Variants in CAPN11 observed in about 807,000 individuals in gnomAD.
The protein encoded by CAPN11 is calpain 11.
Under a neutral mutation model 105.3 loss-of-function variants are expected in CAPN11, and 108 were observed. That is an observed-to-expected ratio of 1.03 (90% confidence interval 0.88 to 1.20). The LOEUF is 1.20. CAPN11 is among the 50% of genes most tolerant of loss of function. The pLI is 0.00. For synonymous variants in CAPN11, 329 were observed against 344.5 expected (o/e 0.96, Z 0.50); for missense variants, 883 against 924.8 (o/e 0.95, Z 0.59).
Position 44,176,865 on chromosome 6 carries a change from C to T in CAPN11, c.1104C>T (p.Asn368=). The T allele has an allele frequency of 6.2e-7, 1 of 1,613,932 alleles. No homozygotes were observed. The change falls in exon 11 of 23, where the codon AAC becomes AAT. Residue 368 remains asparagine, a synonymous_variant. Coordinates refer to ENST00000398776, the MANE Select transcript of CAPN11 (RefSeq NM_007058.4). ...FWMSYQDFLN[N]FTLLEICNLT... is the part of the protein sequence containing the mutation. ...TGTCCTACCAAGATTTCCTGAACAA[C>T]TTCACGCTCCTGGAGATCTGCAACC... is the stretch of plus-strand genomic sequence containing the variant.
chr6:44,160,763 C>T (rs1322099472), intron 1 of CAPN11, among the ~76,000 whole-genome samples: 5 of 152,216 alleles, frequency 3.3e-5, no homozygotes, highest in Non-Finnish European at 7.3e-5. Context: ...CTGCTTTCCA[C>T]GCAGTTTCAG....
chr6:44,181,449 TCA>T (rs150427721), intron 19 of CAPN11, 129 bp downstream of exon 19: 62,706 of 292,162 alleles, frequency 0.21, 18,112 homozygotes, highest in East Asian at 0.67. Flanking sequence ...CACACCACAC[TCA>T]CACACACACA....
intron 1 of CAPN11, among the ~76,000 whole-genome samples, chr6:44,160,556 G>A (rs932515175): frequency 6.6e-6 from 1 of 152,130 alleles, no homozygotes; most frequent in Admixed American, 6.5e-5. Context: ...GGTGGAGCTT[G>A]CAGTGAGCCA....
chr6:44,158,944 G>A (rs750410282), intron 1 of CAPN11, 80 bp downstream of exon 1: 170 of 1,223,808 alleles, frequency 1.4e-4, no homozygotes, highest in Non-Finnish European at 1.7e-4. Context: ...GCTGTGTCCC[G>A]CATCAGACTG....
In CAPN11 at chr6:44,169,507, G is replaced by C; in HGVS notation, c.315G>C (p.Gln105His). ...KDLGPNSKNVQNISWQRPKDI... is the reference protein window; with the variant it reads ...KDLGPNSKNVHNISWQRPKDI... ...TGGGCCCCAACTCCAAAAATGTGCA[G>C]AACATCTCCTGGCAGCGGCCCAAGG... The change falls in exon 3 of 23, where the codon CAG becomes CAC. Residue 105 changes from glutamine (Q) to histidine (H), a missense_variant. Gln to His is a conservative substitution (Grantham distance 24). Coordinates refer to ENST00000398776, the MANE Select transcript of CAPN11 (RefSeq NM_007058.4). 6.3e-7 allele frequency: 1 copy of C among 1,595,814 alleles called. No homozygotes were observed. The highest frequency in any genetic ancestry group is 1.1e-5 in the South Asian group (1 of 88,222).
chr6:44,173,481 C>T (rs546227632), intron 7 of CAPN11, 95 bp downstream of exon 7: 19 of 763,754 alleles, frequency 2.5e-5, no homozygotes, highest in Middle Eastern at 2.3e-4. Context: ...CCAGCACCTT[C>T]TCATTCAGTT....
chr6:44,183,306 G>A, intron 21 of CAPN11, 71 bp downstream of exon 21: 1 of 923,374 alleles, frequency 1.1e-6, no homozygotes, highest in South Asian at 1.3e-5. Flanking sequence ...CACCCACCCT[G>A]ATGGGTGCTG....
intron 1 of CAPN11, among the ~76,000 whole-genome samples, chr6:44,165,218 A>C (rs1018558807): frequency 6.6e-6 from 1 of 152,202 alleles, no homozygotes; most frequent in Non-Finnish European, 1.5e-5. Context: ...CTCAGCTAAC[A>C]CTGTGGAGAA....
At chr6:44,166,200 T>G (rs140618037) in intron 1 of CAPN11, among the ~76,000 whole-genome samples, 1 of 152,254 alleles carries the variant, frequency 6.6e-6, no homozygotes, top group East Asian at 1.9e-4. Context: ...CAGCAATGAA[T>G]CATCTGTCGA....
chr6:44,176,315 G>A lies in CAPN11; in HGVS notation c.978G>A (p.Glu326=), dbSNP rs1181415378. ...IRVRNPWGRI[E]WNGAWSDSAR... ...TCCGGAATCCCTGGGGCCGGATTGAGTGGAATGGAGCTTGGAGTGACAGGT... is the reference window on the plus strand; with the variant it reads ...TCCGGAATCCCTGGGGCCGGATTGAATGGAATGGAGCTTGGAGTGACAGGT... Residue 326 remains glutamate, a synonymous_variant, in exon 9 of 23, where the codon GAG becomes GAA. Transcript: ENST00000398776. 6.2e-7 allele frequency: 1 copy of A among 1,613,962 alleles called. No homozygotes were observed. The highest frequency in any genetic ancestry group is 1.1e-5 in the South Asian group (1 of 91,086).
chr6:44,182,000 T>TCA (rs1230134618), intron 19 of CAPN11, among the ~76,000 whole-genome samples: 1 of 6,162 alleles, frequency 1.6e-4, no homozygotes, highest in Non-Finnish European at 3.5e-4. Context: ...CACACCACAC[T>TCA]CACACACACA....
intron 6 of CAPN11, 49 bp downstream of exon 6, chr6:44,173,122 C>G (rs1771303789): frequency 6.2e-7 from 1 of 1,605,400 alleles, no homozygotes; most frequent in Admixed American, 1.7e-5. Context: ...TCTGTCTGGA[C>G]AGCTGGAATC....
Position 44,182,615 on chromosome 6 carries a change from C to T in CAPN11, c.1939-326C>T, listed in dbSNP as rs374549119. ...GTATTTCTTTTTCTTTTTTTTGAGA[C>T]GGAATCTCACTCTGTTGCCCAGGCT... On this transcript the variant is annotated intron_variant, in intron 19 of 22. Transcript: ENST00000398776. 1.2e-4 allele frequency among the ~76,000 whole-genome samples: 18 copies of T among 152,126 alleles called. No homozygotes were observed. The South Asian group carries it at 2.3e-3, about 19-fold the overall frequency.
chr6:44,167,555 T>TAAA lies in CAPN11; in HGVS notation c.88+736_88+738dup, dbSNP rs34234150. ...TCTGTTTAGATGGTCTGGAGGCCATTAAAAAAAAAAAACAGCTTTATTGAG... is the reference window on the plus strand; with the variant it reads ...TCTGTTTAGATGGTCTGGAGGCCATTAAAAAAAAAAAAAAACAGCTTTATTGAG... On this transcript the variant is annotated intron_variant, in intron 2 of 22. Transcript: ENST00000398776. Among the ~76,000 whole-genome samples the TAAA allele has an allele frequency of 3.7e-5, 5 of 136,682 alleles. 1 individual carries two copies. Among genetic ancestry groups the TAAA allele is most frequent in the South Asian group, 4.6e-4 (2 of 4,314 alleles). The allele number at this position is 136,682 out of a possible 152,430, so 89.7% of individuals were successfully genotyped here.
At chr6:44,183,493 A>G (rs1423417017) in intron 21 of CAPN11, among the ~76,000 whole-genome samples, 1 of 152,164 alleles carries the variant, frequency 6.6e-6, no homozygotes, top group Non-Finnish European at 1.5e-5. Context: ...TGCAGGTTAA[A>G]CCAGTTAGTC....
At chr6:44,161,449 C>T (rs1377114005) in intron 1 of CAPN11, among the ~76,000 whole-genome samples, 2 of 152,224 alleles carry the variant, frequency 1.3e-5, no homozygotes, top group Non-Finnish European at 2.9e-5. Flanking sequence ...ATCCGCCCAC[C>T]TCAGCCTCTC....
In CAPN11 at chr6:44,177,006, A is replaced by G. The variant is rs898599527; in HGVS notation, c.1237+8A>G. The G allele has an allele frequency of 1.9e-6, 3 of 1,611,318 alleles. No homozygotes were observed. The highest frequency in any genetic ancestry group is 1.7e-5 in the Admixed American group (1 of 59,956). ...GCTGCAGGAACCACCCTGGTGGGTG[A>G]GGGGTGAGAGGGGAGGGGGTGTGCA... On this transcript the variant is annotated splice_region_variant and intron_variant, in intron 11 of 22. Coordinates refer to ENST00000398776, the MANE Select transcript of CAPN11 (RefSeq NM_007058.4).
intron 1 of CAPN11, among the ~76,000 whole-genome samples, chr6:44,165,841 G>C (rs2039360): frequency 0.3 from 46,113 of 152,024 alleles, 8,759 homozygotes; most frequent in Non-Finnish European, 0.42. Flanking sequence ...AGCAGTAAAG[G>C]GTTCAAAACC....
In CAPN11 at chr6:44,183,028, G is replaced by C. The variant is rs377642939; in HGVS notation, c.2017+9G>C. ...GGTTATTGAGAAAGCAGGTGGCCAA[G>C]GGTCAGGAGTGGGCCTTGGGGCAGG... On this transcript the variant is annotated intron_variant, in intron 20 of 22. Coordinates refer to ENST00000398776, the MANE Select transcript of CAPN11 (RefSeq NM_007058.4). 2 of 1,611,690 alleles carry C rather than the reference G, an allele frequency of 1.2e-6. No individual in the cohort carries two copies. The highest frequency in any genetic ancestry group is 2.7e-5 in the African/African-American group (2 of 74,790).
Sources: gnomAD v4.1 joint callset for allele counts (sites outside exome capture counted in the v4.1 genomes callset) on GRCh38, gnomAD v4.1.1 for gene constraint, MANE v1.5 for transcripts, NCBI Gene and HGNC (gene_info 2026-07-23, HGNC 2026-07-21) for gene names.